The following DLGAP4 variants were observed in gnomAD, a reference collection of about 807,000 sequenced individuals.
The protein encoded by DLGAP4 is DLG associated protein 4, also known as disks large-associated protein 4.
DLGAP4 carries 18 observed loss-of-function variants against 86.9 expected under a neutral mutation model. The observed-to-expected ratio is 0.21, with a 90% CI of 0.14 to 0.31. DLGAP4 has a LOEUF of 0.31. Ranked by LOEUF, DLGAP4 falls within the 10% of genes least tolerant of loss-of-function variation. DLGAP4 has a pLI of 1.00. For synonymous variants in DLGAP4, 548 were observed against 574.3 expected (o/e 0.95, Z 0.65); for missense variants, 1,085 against 1,362.6 (o/e 0.80, Z 3.21).
At chr20:36,389,984 G>A (rs2031732068) in intron 2 of DLGAP4, among the ~76,000 whole-genome samples, 1 of 152,218 alleles carries the variant, frequency 6.6e-6, no homozygotes, top group African/African-American at 2.4e-5. Flanking sequence ...CAAAGCATGG[G>A]TGGTGGAGGC....
At chr20:36,419,420 C>T (rs533604868) in intron 2 of DLGAP4, among the ~76,000 whole-genome samples, 1 of 152,300 alleles carries the variant, frequency 6.6e-6, no homozygotes, top group African/African-American at 2.4e-5. Context: ...AGCCACTGTA[C>T]TTGGCCCTCA....
intron 2 of DLGAP4, among the ~76,000 whole-genome samples, chr20:36,394,560 G>A (rs1006115012): frequency 1.3e-5 from 2 of 152,182 alleles, no homozygotes; most frequent in African/African-American, 4.8e-5. Context: ...GTGTGTGCAC[G>A]TGGCCCTGGG....
At chr20:36,358,310 G>C (rs1424071430) in intron 1 of DLGAP4, among the ~76,000 whole-genome samples, 1 of 152,142 alleles carries the variant, frequency 6.6e-6, no homozygotes, top group African/African-American at 2.4e-5. Context: ...CGTCCTCGTG[G>C]CTCCCCAGCT....
chr20:36,469,632 A>G (rs1283092226), intron 7 of DLGAP4, among the ~76,000 whole-genome samples: 1 of 152,046 alleles, frequency 6.6e-6, no homozygotes, highest in Non-Finnish European at 1.5e-5. Context: ...ACATGCCTGT[A>G]ATCCCAGCTA....
chr20:36,381,113 C>T (rs540083138), intron 2 of DLGAP4, among the ~76,000 whole-genome samples: 2 of 152,344 alleles, frequency 1.3e-5, no homozygotes, highest in East Asian at 1.9e-4. Flanking sequence ...TAATCGGCAA[C>T]CTTTCAATAA....
intron 1 of DLGAP4, among the ~76,000 whole-genome samples, chr20:36,328,428 A>G (rs2065237095): frequency 1.3e-5 from 2 of 151,924 alleles, no homozygotes; most frequent in African/African-American, 2.4e-5. Context: ...AAGAAATGCC[A>G]TTATAAACAG....
At chr20:36,429,685 G>T (rs1324694182) in intron 2 of DLGAP4, among the ~76,000 whole-genome samples, 1 of 152,124 alleles carries the variant, frequency 6.6e-6, no homozygotes, top group Admixed American at 6.6e-5. Context: ...GGGATTACAG[G>T]TGTGAGCCAC....
At chr20:36,457,853 G>T (rs944131314) in intron 7 of DLGAP4, among the ~76,000 whole-genome samples, 8 of 151,524 alleles carry the variant, frequency 5.3e-5, no homozygotes, top group Admixed American at 4.0e-4. Context: ...GGCCAGGCTG[G>T]TCTCGAACTC....
intron 2 of DLGAP4, among the ~76,000 whole-genome samples, chr20:36,375,568 C>T (rs529622712): frequency 3.2e-4 from 49 of 152,276 alleles, no homozygotes; most frequent in Middle Eastern, 3.4e-3. Flanking sequence ...AGGAGAGAAG[C>T]ATCTCCATCA....
chr20:36,486,843 C>G (rs1027360815), intron 7 of DLGAP4, among the ~76,000 whole-genome samples: 3 of 151,708 alleles, frequency 2.0e-5, no homozygotes, highest in Middle Eastern at 3.4e-3. Flanking sequence ...AACTCCTGAC[C>G]TCAGGTGATC....
rs75795472 is a variant in DLGAP4, at chr20:36,498,885, G to A, written c.2011-703G>A. 1,160 of 244,396 alleles carry A rather than the reference G, an allele frequency of 4.7e-3. 15 individuals are homozygous for A. Among genetic ancestry groups the A allele is most frequent in the East Asian group, 0.047 (442 of 9,382 alleles). 15.1% of individuals were successfully genotyped at this position (244,396 alleles called of 1,614,324 possible). ...CACTGTTGTCCTGTTCCACTTCACA[G>A]GAGTGGAGGGAGTGACAGCTTTCCA... On this transcript the variant is annotated intron_variant, in intron 8 of 12. Transcript: ENST00000339266.
chr20:36,371,775 GT>G (rs1184958468), intron 2 of DLGAP4, among the ~76,000 whole-genome samples: 2 of 152,058 alleles, frequency 1.3e-5, no homozygotes, highest in African/African-American at 4.8e-5. Context: ...TTAAAAAGAG[GT>G]TATAAAACAG....
At position 36,439,879 on chromosome 20, in the gene DLGAP4, C is replaced by A. The variant is rs1233991211; in HGVS notation, c.1356+11C>A. On this transcript the variant is annotated intron_variant, in intron 5 of 12. Transcript: ENST00000339266. ...AGCTGCATCAGCCAGGTGAGGGTGG[C>A]AGGGAGGCTGGAGAGTCAGGGGGCT... 3.7e-6 allele frequency: 6 copies of A among 1,609,000 alleles called. No individual in the cohort carries two copies. The highest frequency in any genetic ancestry group is 4.2e-6 in the Non-Finnish European group (5 of 1,177,700).
chr20:36,506,981 T>TCCATA (rs1491072294), intron 10 of DLGAP4, among the ~76,000 whole-genome samples: 10 of 152,250 alleles, frequency 6.6e-5, no homozygotes, highest in African/African-American at 1.9e-4. Flanking sequence ...ATCCATAGCA[T>TCCATA]GTGTCACAAT....
At chr20:36,478,632 T>C (rs963772771) in intron 7 of DLGAP4, among the ~76,000 whole-genome samples, 5 of 152,200 alleles carry the variant, frequency 3.3e-5, no homozygotes, top group African/African-American at 1.2e-4. Flanking sequence ...AACTTGGCTA[T>C]CTACAGCAGC....
At chr20:36,424,738 G>GTTTTTTTTT (rs34145008) in intron 2 of DLGAP4, among the ~76,000 whole-genome samples, 1 of 139,310 alleles carries the variant, frequency 7.2e-6, no homozygotes, top group Non-Finnish European at 1.6e-5. Context: ...TGTTTTGTTT[G>GTTTTTTTTT]TTTTTTTTTT....
intron 10 of DLGAP4, among the ~76,000 whole-genome samples, chr20:36,521,307 T>A (rs553548642): frequency 6.6e-6 from 1 of 152,216 alleles, no homozygotes; most frequent in Admixed American, 6.5e-5. Flanking sequence ...CTTTTAGAAC[T>A]CTGATAGATG....
At chr20:36,426,949 A>C (rs2032989762) in intron 2 of DLGAP4, among the ~76,000 whole-genome samples, 2 of 152,060 alleles carry the variant, frequency 1.3e-5, no homozygotes, top group Non-Finnish European at 2.9e-5. Flanking sequence ...AGGCTGAGGC[A>C]GGAGTATTGC....
rs1056503345 is a variant in DLGAP4, at chr20:36,527,757, G to C, written c.*726G>C. 6.5e-6 allele frequency: 1 copy of C among 152,776 alleles called. No homozygotes were observed. Among genetic ancestry groups the C allele is most frequent in the East Asian group, 1.9e-4 (1 of 5,182 alleles). The allele number at this position is 152,776 out of a possible 1,614,324, so 9.5% of individuals were successfully genotyped here. On this transcript the variant is annotated 3_prime_UTR_variant, in exon 13 of 13. Transcript: ENST00000339266. ...AGATGAGGGAAGTTTTAGTCTTGGC[G>C]GGTGGAAATGAGACGAAGCCACAGT... is the stretch of plus-strand genomic sequence containing the variant.
Sources: gnomAD v4.1 joint callset for allele counts (sites outside exome capture counted in the v4.1 genomes callset) on GRCh38, gnomAD v4.1.1 for gene constraint, MANE v1.5 for transcripts, NCBI Gene and HGNC (gene_info 2026-07-23, HGNC 2026-07-21) for gene names.